Variants in MYOM2 observed in about 807,000 individuals in gnomAD.
The protein encoded by MYOM2 is myomesin 2.
In MYOM2, 254 loss-of-function variants were observed where a neutral mutation model predicts 187.6. The observed-to-expected ratio is 1.35, with a 90% CI of 1.22 to 1.50. The LOEUF (loss-of-function observed/expected upper bound fraction) is 1.50, where lower values mean the gene tolerates loss of function less well. MYOM2 is among the 40% of genes most tolerant of loss of function. MYOM2 has a pLI of 0.00. For missense variants in MYOM2, 2,796 were observed against 1,924.0 expected (o/e 1.45, Z -8.48); for synonymous variants, 981 against 753.8 (o/e 1.30, Z -4.94).
At chr8:2,051,015 C>G in intron 2 of MYOM2, 142 bp downstream of exon 2, 2 of 643,120 alleles carry the variant, frequency 3.1e-6, no homozygotes, top group East Asian at 5.5e-5. Context: ...TCTCCCGTGC[C>G]CAGGTCCTGC....
intron 3 of MYOM2, among the ~76,000 whole-genome samples, chr8:2,055,980 C>T (rs557130039): frequency 3.9e-4 from 60 of 152,166 alleles, no homozygotes; most frequent in Non-Finnish European, 3.4e-4. Context: ...CTTCCCAGGC[C>T]GTCTGTGCAG....
chr8:2,087,936 C>A (rs576713468), intron 14 of MYOM2, among the ~76,000 whole-genome samples: 4 of 152,192 alleles, frequency 2.6e-5, no homozygotes, highest in Non-Finnish European at 5.9e-5. Context: ...AGCCACAACA[C>A]CTGTCCTGCA....
intron 31 of MYOM2, among the ~76,000 whole-genome samples, chr8:2,126,402 C>A (rs1481988041): frequency 1.3e-5 from 2 of 151,068 alleles, no homozygotes; most frequent in Non-Finnish European, 2.9e-5. Flanking sequence ...AGCAGTCACA[C>A]ACACACGATT....
chr8:2,062,036 G>C (rs1475983165), intron 6 of MYOM2, among the ~76,000 whole-genome samples: 2 of 152,216 alleles, frequency 1.3e-5, no homozygotes, highest in African/African-American at 4.8e-5. Flanking sequence ...CCTTCATGGA[G>C]ATATCACATG....
intron 34 of MYOM2, 33 bp downstream of exon 34, chr8:2,141,210 C>G: frequency 6.3e-7 from 1 of 1,597,302 alleles, no homozygotes; most frequent in Non-Finnish European, 8.6e-7. Flanking sequence ...CTATGATATC[C>G]TGTGGGCAGT....
At chr8:2,092,625 G>C (rs958423974) in intron 16 of MYOM2, 105 bp downstream of exon 16, 58 of 1,227,584 alleles carry the variant, frequency 4.7e-5, no homozygotes, top group Middle Eastern at 2.8e-4. Context: ...CAAGGCTTCT[G>C]CGTAAATGAG....
At position 2,109,536 on chromosome 8, in the gene MYOM2, G is replaced by C; in HGVS notation, c.3180+5G>C. On this transcript the variant is annotated splice_donor_5th_base_variant and intron_variant, in intron 25 of 36. Coordinates refer to ENST00000262113, the MANE Select transcript of MYOM2 (RefSeq NM_003970.4). ...AGAGAAGTCTCTGACAGCGAGGTGAGTTCCTGTGTGAGTGATCTCTGGCTT... is the reference window on the plus strand; with the variant it reads ...AGAGAAGTCTCTGACAGCGAGGTGACTTCCTGTGTGAGTGATCTCTGGCTT... 6.2e-7 allele frequency: 1 copy of C among 1,606,286 alleles called. No individual in the cohort carries two copies. The highest frequency in any genetic ancestry group is 8.5e-7 in the Non-Finnish European group (1 of 1,177,046).
intron 21 of MYOM2, among the ~76,000 whole-genome samples, chr8:2,103,690 T>G (rs890860188): frequency 3.3e-5 from 5 of 149,696 alleles, no homozygotes; most frequent in African/African-American, 1.2e-4. Flanking sequence ...TATGGATAAA[T>G]GAGTGGGAGA....
chr8:2,106,142 T>C (rs1796879828), intron 21 of MYOM2, 100 bp from the exon 22 acceptor site: 1 of 1,175,526 alleles, frequency 8.5e-7, no homozygotes, highest in Non-Finnish European at 1.2e-6. Flanking sequence ...AGATGAGATT[T>C]GGGTGTGGAC....
At chr8:2,089,947 C>T (rs1796238338) in intron 14 of MYOM2, 61 bp from the exon 15 acceptor site, 1 of 1,531,444 alleles carries the variant, frequency 6.5e-7, no homozygotes, top group Non-Finnish European at 8.9e-7. Context: ...CTTCCTCCTC[C>T]ACACGCCTCT....
Position 2,140,853 on chromosome 8 carries a change from A to C in MYOM2, c.3931A>C (p.Asn1311His). The C allele has an allele frequency of 6.2e-7, 1 of 1,614,132 alleles. No individual in the cohort carries two copies. The highest frequency in any genetic ancestry group is 8.5e-7 in the Non-Finnish European group (1 of 1,179,960). The change falls in exon 33 of 37, where the codon AAC becomes CAC. Residue 1311 changes from asparagine (N) to histidine (H), a missense_variant. Transcript: ENST00000262113. ...YTFEIFDGKDNHQRSLDLSGQ... is the reference protein window; with the variant it reads ...YTFEIFDGKDHHQRSLDLSGQ... The stretch of plus-strand genomic sequence containing the variant: ...TTTTGAGATTTTCGATGGCAAAGAC[A>C]ACCATCAACGCTCCCTTGACCTGTC...
intron 36 of MYOM2, among the ~76,000 whole-genome samples, chr8:2,144,346 C>G (rs1393654360): frequency 6.6e-6 from 1 of 152,180 alleles, no homozygotes; most frequent in Middle Eastern, 3.2e-3. Context: ...GATATATCTA[C>G]TATAAAACAT....
At chr8:2,141,217 C>A (rs1023601549) in intron 34 of MYOM2, 40 bp downstream of exon 34, 3 of 1,576,024 alleles carry the variant, frequency 1.9e-6, no homozygotes, top group Non-Finnish European at 8.7e-7. Context: ...ATCCTGTGGG[C>A]AGTTGAGTCC....
intron 28 of MYOM2, among the ~76,000 whole-genome samples, chr8:2,121,862 C>A (rs1460718025): frequency 6.6e-6 from 1 of 152,198 alleles, no homozygotes; most frequent in Non-Finnish European, 1.5e-5. Flanking sequence ...GTGATGTAAT[C>A]ATCTTTCCTA....
intron 13 of MYOM2, among the ~76,000 whole-genome samples, chr8:2,081,125 C>G (rs1247041342): frequency 2.8e-5 from 3 of 107,902 alleles, no homozygotes; most frequent in African/African-American, 1.1e-4. Context: ...TTGGTTCTGG[C>G]CTGCGGGAGG....
At chr8:2,143,700 G>A (rs568182157) in intron 36 of MYOM2, among the ~76,000 whole-genome samples, 98 of 152,304 alleles carry the variant, frequency 6.4e-4, no homozygotes, top group African/African-American at 2.2e-3. Flanking sequence ...AGAGGAACAC[G>A]TTGTGCCACT....
intron 11 of MYOM2, among the ~76,000 whole-genome samples, chr8:2,076,826 C>T (rs1326861311): frequency 1.3e-5 from 2 of 152,168 alleles, no homozygotes; most frequent in East Asian, 3.9e-4. Context: ...ACATTTAGGT[C>T]ATCGTTGGAG....
intron 1 of MYOM2, among the ~76,000 whole-genome samples, chr8:2,049,765 T>C (rs556587210): frequency 3.5e-4 from 53 of 152,362 alleles, no homozygotes; most frequent in African/African-American, 1.3e-3. Context: ...TTTGCCGTGA[T>C]GATCAAGTCA....
chr8:2,107,571 C>T (rs1225882363), intron 23 of MYOM2, among the ~76,000 whole-genome samples: 5 of 152,084 alleles, frequency 3.3e-5, no homozygotes, highest in African/African-American at 7.2e-5. Flanking sequence ...ATCACACTCT[C>T]GGCTTCTCGA....
Sources: allele counts gnomAD v4.1 joint callset (sites outside exome capture counted in the v4.1 genomes callset), GRCh38; gene constraint gnomAD v4.1.1; transcripts MANE v1.5; gene names NCBI Gene and HGNC (gene_info 2026-07-23, HGNC 2026-07-21).